The following XPO6 variants were observed in gnomAD, a reference collection of about 807,000 sequenced individuals.
The protein encoded by XPO6 is exportin-6.
A neutral mutation model predicts 130.0 loss-of-function variants in XPO6; 3 were observed. The observed-to-expected ratio is 0.02, with a 90% confidence interval of 0.01 to 0.06. XPO6 has a LOEUF of 0.06. XPO6 is among the 10% of genes least tolerant of loss of function. XPO6 has a pLI of 1.00. For synonymous variants in XPO6, 524 were observed against 548.9 expected, an observed-to-expected ratio of 0.95 and a Z score of 0.63; for missense variants, 970 against 1,393.0, an observed-to-expected ratio of 0.70 and a Z score of 4.83.
chr16:28,124,942 A>G (rs1596822264), intron 13 of XPO6, among the ~76,000 whole-genome samples: 1 of 152,152 alleles, frequency 6.6e-6, no homozygotes, highest in East Asian at 1.9e-4. Context: ...ACATCTACTC[A>G]GTTTTGATCT....
chr16:28,141,096 T>C (rs2042883295), intron 9 of XPO6, among the ~76,000 whole-genome samples: 1 of 152,248 alleles, frequency 6.6e-6, no homozygotes, highest in Non-Finnish European at 1.5e-5. Flanking sequence ...CAATGTCATG[T>C]GTAACAGTGG....
chr16:28,200,296 T>G (rs2043935182), intron 1 of XPO6, among the ~76,000 whole-genome samples: 1 of 152,182 alleles, frequency 6.6e-6, no homozygotes, highest in Non-Finnish European at 1.5e-5. Flanking sequence ...ACCAGAGATC[T>G]TTTTCATTAT....
At chr16:28,117,835 T>G (rs974431866) in intron 14 of XPO6, among the ~76,000 whole-genome samples, 1 of 152,210 alleles carries the variant, frequency 6.6e-6, no homozygotes, top group Admixed American at 6.5e-5. Context: ...GACTAAAGCG[T>G]AGACAACTAC....
At chr16:28,141,789 T>C (rs964766327) in intron 9 of XPO6, among the ~76,000 whole-genome samples, 27 of 151,994 alleles carry the variant, frequency 1.8e-4, no homozygotes, top group Admixed American at 9.2e-4. Flanking sequence ...TGAAACCCCG[T>C]CTCTAATAAA....
At chr16:28,186,413 G>T (rs1381269097) in intron 1 of XPO6, among the ~76,000 whole-genome samples, 2 of 76,180 alleles carry the variant, frequency 2.6e-5, no homozygotes, top group African/African-American at 1.4e-4. Flanking sequence ...GGTCTCTGTT[G>T]CCAGGCTAGA....
rs2141237907 is a variant in XPO6, at chr16:28,106,767, A to G, written c.2498-270T>C. Among the ~76,000 whole-genome samples, 1 of 152,310 alleles carries G rather than the reference A, an allele frequency of 6.6e-6. No homozygotes were observed. Among genetic ancestry groups the G allele is most frequent in the African/African-American group, 2.4e-5 (1 of 41,570 alleles). On this transcript the variant is annotated intron_variant, in intron 18 of 23. Coordinates refer to ENST00000304658, the MANE Select transcript of XPO6 (RefSeq NM_015171.4). This position sits in a 1 kb window ranked among gnomAD's most constrained non-coding sequence, Gnocchi z 4.2. ...CTCGAACCCTCCCTCATTGCCCGAC[A>G]TCCAGTGATGGTCAGAGTTTCACTG...
chr16:28,119,585 T>G (rs1026957537), intron 14 of XPO6, among the ~76,000 whole-genome samples: 3 of 151,982 alleles, frequency 2.0e-5, no homozygotes, highest in African/African-American at 7.3e-5. Flanking sequence ...CAAACACAAT[T>G]GGGTGAACTG....
At chr16:28,124,319 A>C (rs1175449368) in intron 13 of XPO6, among the ~76,000 whole-genome samples, 3 of 152,294 alleles carry the variant, frequency 2.0e-5, no homozygotes, top group East Asian at 3.9e-4. Context: ...CAGCCTCCCA[A>C]AGTGTTGGGA....
chr16:28,152,734 T>C lies in XPO6; in HGVS notation c.1149A>G (p.Leu383=). The change falls in exon 8 of 24, where the codon CTA becomes CTG. Residue 383 remains leucine (L), a synonymous_variant. Coordinates refer to ENST00000304658, the MANE Select transcript of XPO6 (RefSeq NM_015171.4). ...ACTGGGAGTAAGACTCGATTCTTCT[T>C]AGGTGAACACTCACAAAGAGCCGAA... ...DFLRLFVSVH[L]RRIESYSQFP... The C allele has an allele frequency of 1.2e-6, 2 of 1,613,848 alleles. No individual in the cohort carries two copies. The highest frequency in any genetic ancestry group is 2.7e-5 in the African/African-American group (2 of 75,036).
rs993279000 is a variant in XPO6 at position 28,098,158 on chromosome 16, C to T, written c.*380G>A. On this transcript the variant is annotated 3_prime_UTR_variant, in exon 24 of 24. Transcript: ENST00000304658. The stretch of plus-strand genomic sequence containing the variant: ...GACAGAAGTGCCAGAGCAGTTCCAA[C>T]GTCACATCTCTCCTTGGCTGGAATG... The T allele has an allele frequency of 1.7e-5, 3 of 176,322 alleles. No homozygotes were observed. The highest frequency in any genetic ancestry group is 3.1e-4 in the East Asian group (2 of 6,484). 10.9% of individuals were successfully genotyped at this position (176,322 alleles called of 1,614,324 possible).
chr16:28,155,761 C>T (rs1377910619), intron 7 of XPO6: 3 of 320,732 alleles, frequency 9.4e-6, no homozygotes, highest in African/African-American at 4.3e-5. Flanking sequence ...AGTCCCTGCA[C>T]CACCTCAGAC....
At chr16:28,187,063 A>G (rs1363237867) in intron 1 of XPO6, among the ~76,000 whole-genome samples, 1 of 152,158 alleles carries the variant, frequency 6.6e-6, no homozygotes, top group Non-Finnish European at 1.5e-5. Context: ...ACCAAAGAGA[A>G]AACTAACTCT....
In XPO6 at chr16:28,106,213, C is replaced by G; in HGVS notation, c.2614G>C (p.Glu872Gln). ...TGGAGGATGCTCTCGGCTAACTGCT[C>G]TCTACAGAGGAGAAAGCCACACAGT... is the stretch of plus-strand genomic sequence containing the variant. Reference protein sequence around the residue: ...IQTFLNMFTREQLAESILHEG... With the variant: ...IQTFLNMFTRQQLAESILHEG... The change falls in exon 20 of 24, where the codon GAG becomes CAG. Residue 872 changes from glutamate to glutamine, a missense_variant and splice_region_variant. Around this residue, in one of 4 missense-constraint regions of XPO6, gnomAD observed 936 missense variants for 1,306.8 expected, o/e 0.72. Transcript: ENST00000304658. The surrounding 1 kb of genome is among the most constrained non-coding windows in gnomAD (Gnocchi z 4.2). 1 of 1,614,074 alleles carries G rather than the reference C, an allele frequency of 6.2e-7. No homozygotes were observed. Among genetic ancestry groups the G allele is most frequent in the Non-Finnish European group, 8.5e-7 (1 of 1,180,010 alleles).
intron 1 of XPO6, among the ~76,000 whole-genome samples, chr16:28,202,981 CAA>C (rs1199378169): frequency 3.3e-5 from 5 of 152,174 alleles, no homozygotes. Context: ...GTGGTAAAGA[CAA>C]AAAGTCTGCT....
At chr16:28,211,033 T>C (rs1379285755) in intron 1 of XPO6, among the ~76,000 whole-genome samples, 1 of 152,348 alleles carries the variant, frequency 6.6e-6, no homozygotes, top group South Asian at 2.1e-4. Context: ...TAAATACTAC[T>C]GCACTGTCAA....
intron 6 of XPO6, among the ~76,000 whole-genome samples, chr16:28,157,207 A>G (rs1243123863): frequency 1.3e-5 from 2 of 152,336 alleles, no homozygotes; most frequent in African/African-American, 4.8e-5. Context: ...CTGTAATCAC[A>G]GCACTTTGGG....
At chr16:28,100,746 G>A (rs1423236336) in intron 23 of XPO6, among the ~76,000 whole-genome samples, 1 of 152,232 alleles carries the variant, frequency 6.6e-6, no homozygotes, top group African/African-American at 2.4e-5. Flanking sequence ...CTGGTCACCT[G>A]ACACAGGAAG....
At chr16:28,098,681 T>C in intron 23 of XPO6, 42 bp from the exon 24 acceptor site, 2 of 1,498,214 alleles carry the variant, frequency 1.3e-6, no homozygotes, top group Non-Finnish European at 1.8e-6. Flanking sequence ...ACACACCAGG[T>C]CACCCACCCA....
intron 1 of XPO6, among the ~76,000 whole-genome samples, chr16:28,196,672 G>A (rs1425763342): frequency 6.6e-6 from 1 of 152,208 alleles, no homozygotes; most frequent in Non-Finnish European, 1.5e-5. Context: ...CATGGGGGTA[G>A]ATATCTGATA....
Sources: allele counts gnomAD v4.1 joint callset (sites outside exome capture counted in the v4.1 genomes callset), GRCh38; gene constraint gnomAD v4.1.1; regional missense constraint gnomAD v4.1.1; non-coding constraint Gnocchi (gnomAD v3.1); transcripts MANE v1.5; gene names NCBI Gene and HGNC (gene_info 2026-07-23, HGNC 2026-07-21).